The following HDAC9 variants were observed in gnomAD, a reference collection of about 807,000 sequenced individuals.
HDAC9 encodes histone deacetylase 9.
A neutral mutation model predicts 139.4 loss-of-function variants in HDAC9; 41 were observed. The ratio of observed to expected loss-of-function variants is 0.29; its 90% CI spans 0.23 to 0.38. The LOEUF (loss-of-function observed/expected upper bound fraction) is 0.38. HDAC9 is among the 10% of genes least tolerant of loss of function. The pLI, the probability that HDAC9 is intolerant of heterozygous loss-of-function variation, is 1.00. For missense variants in HDAC9, 1,147 were observed against 1,297.0 expected, an observed-to-expected ratio of 0.88 and a Z score of 1.78; for synonymous variants, 517 against 476.2, an observed-to-expected ratio of 1.09 and a Z score of -1.12.
At chr7:18,095,128 G>C (rs1361116880) in intron 1 of HDAC9, among the ~76,000 whole-genome samples, 1 of 151,958 alleles carries the variant, frequency 6.6e-6, no homozygotes. Context: ...ATTCTGCTGG[G>C]GTTCTGTTGG....
chr7:18,960,369 C>T (rs1783447260), intron 24 of HDAC9, among the ~76,000 whole-genome samples: 1 of 152,216 alleles, frequency 6.6e-6, no homozygotes, highest in Non-Finnish European at 1.5e-5. Context: ...TGTCTTGCTT[C>T]TCCTCCTCTT....
intron 24 of HDAC9, among the ~76,000 whole-genome samples, chr7:18,972,952 A>G (rs2965027): frequency 0.39 from 59,297 of 152,174 alleles, 12,175 homozygotes; most frequent in Non-Finnish European, 0.47. Context: ...TGCAATATAC[A>G]TAATTCTTTT....
intron 12 of HDAC9, among the ~76,000 whole-genome samples, chr7:18,718,274 C>A (rs1303648408): frequency 6.6e-6 from 1 of 152,158 alleles, no homozygotes; most frequent in Non-Finnish European, 1.5e-5. Flanking sequence ...CTCTGTCCCC[C>A]AGGCTGGAGT....
At chr7:18,296,273 A>G (rs1026291106) in intron 1 of HDAC9, among the ~76,000 whole-genome samples, 37 of 152,206 alleles carry the variant, frequency 2.4e-4, no homozygotes, top group African/African-American at 8.2e-4. Flanking sequence ...GTTAGTTCCT[A>G]TGCTGAAGTG....
At chr7:18,618,760 A>ATATATATATG (rs1388208113) in intron 6 of HDAC9, among the ~76,000 whole-genome samples, 1 of 133,810 alleles carries the variant, frequency 7.5e-6, no homozygotes, top group Non-Finnish European at 1.6e-5. Context: ...ATATATATAT[A>ATATATATATG]TGTAGGAATT....
intron 23 of HDAC9, among the ~76,000 whole-genome samples, chr7:18,948,619 A>G (rs1412058308): frequency 6.6e-6 from 1 of 152,094 alleles, no homozygotes; most frequent in Non-Finnish European, 1.5e-5. Flanking sequence ...TTTCACACAC[A>G]CATTTTTGTA....
chr7:18,330,461 C>A (rs1291367651), intron 1 of HDAC9, among the ~76,000 whole-genome samples: 1 of 151,312 alleles, frequency 6.6e-6, no homozygotes, highest in Non-Finnish European at 1.5e-5. Flanking sequence ...CACAGTCCCC[C>A]AAAGCATTAG....
intron 12 of HDAC9, among the ~76,000 whole-genome samples, chr7:18,706,521 T>C (rs574632122): frequency 6.6e-6 from 1 of 152,260 alleles, no homozygotes; most frequent in Non-Finnish European, 1.5e-5. Context: ...ATCATTTATG[T>C]GCTGGACACT....
At chr7:18,524,380 T>C (rs1474678152) in intron 2 of HDAC9, among the ~76,000 whole-genome samples, 1 of 152,096 alleles carries the variant, frequency 6.6e-6, no homozygotes, top group Non-Finnish European at 1.5e-5. Context: ...CTTTTTCTCA[T>C]TTAGGGGAGT....
chr7:18,435,059 C>A (rs1400415817), intron 1 of HDAC9, among the ~76,000 whole-genome samples: 79 of 67,774 alleles, frequency 1.2e-3, no homozygotes, highest in East Asian at 1.9e-3. Flanking sequence ...ACTACACAGC[C>A]AAAAAAAAAA....
At chr7:18,764,488 C>G (rs1398976362) in intron 15 of HDAC9, among the ~76,000 whole-genome samples, 1 of 152,130 alleles carries the variant, frequency 6.6e-6, no homozygotes, top group Non-Finnish European at 1.5e-5. Context: ...TTCTCTTTCC[C>G]TAGTGTATCC....
chr7:18,947,258 T>G (rs576456812), intron 23 of HDAC9, among the ~76,000 whole-genome samples: 1 of 151,960 alleles, frequency 6.6e-6, no homozygotes, highest in African/African-American at 2.4e-5. Flanking sequence ...AAAGAAGATA[T>G]AAATAAAATG....
intron 15 of HDAC9, among the ~76,000 whole-genome samples, chr7:18,762,499 A>G (rs1193954579): frequency 5.9e-5 from 9 of 152,220 alleles, no homozygotes; most frequent in African/African-American, 1.9e-4. Context: ...TTACTTTAGA[A>G]TTAACCTTCA....
chr7:18,620,665 T>G (rs1372864031), intron 6 of HDAC9, among the ~76,000 whole-genome samples: 1 of 152,156 alleles, frequency 6.6e-6, no homozygotes, highest in Non-Finnish European at 1.5e-5. Context: ...GGAAAAGTGC[T>G]GCTCTTAGAG....
chr7:18,192,793 G>A (rs532574839), intron 2 of HDAC9, among the ~76,000 whole-genome samples: 2 of 152,296 alleles, frequency 1.3e-5, no homozygotes, highest in East Asian at 1.9e-4. Flanking sequence ...GTAACATTTA[G>A]TGTTAATTTA....
chr7:18,533,957 G>T (rs1437367036), intron 2 of HDAC9, among the ~76,000 whole-genome samples: 1 of 152,004 alleles, frequency 6.6e-6, no homozygotes, highest in African/African-American at 2.4e-5. Flanking sequence ...TCATCAAAGT[G>T]CACCGTTCTT....
At chr7:18,393,415 G>A (rs1182402336) in intron 1 of HDAC9, among the ~76,000 whole-genome samples, 1 of 152,122 alleles carries the variant, frequency 6.6e-6, no homozygotes, top group Admixed American at 6.5e-5. Flanking sequence ...GAGATTTGCA[G>A]CAAATGCAGC....
chr7:18,363,953 A>G (rs1348151352), intron 1 of HDAC9, among the ~76,000 whole-genome samples: 2 of 152,186 alleles, frequency 1.3e-5, no homozygotes, highest in African/African-American at 4.8e-5. Flanking sequence ...AAAGATTTTC[A>G]GGTCCCAGAA....
chr7:18,844,401 C>G (rs1300647733), intron 21 of HDAC9, among the ~76,000 whole-genome samples: 1 of 152,088 alleles, frequency 6.6e-6, no homozygotes, highest in Non-Finnish European at 1.5e-5. Flanking sequence ...TATTCAGTCC[C>G]CATTTAAGCA....
Sources: allele counts gnomAD v4.1 joint callset (sites outside exome capture counted in the v4.1 genomes callset), GRCh38; gene constraint gnomAD v4.1.1; transcripts MANE v1.5; gene names NCBI Gene and HGNC (gene_info 2026-07-23, HGNC 2026-07-21).